Variants in IKZF3 observed in about 807,000 individuals in gnomAD.
The protein encoded by IKZF3 is IKAROS family zinc finger 3.
In IKZF3, 10 loss-of-function variants were observed where a neutral mutation model predicts 49.0. The observed-to-expected ratio is 0.20, with a 90% CI of 0.13 to 0.35. The LOEUF (loss-of-function observed/expected upper bound fraction) is 0.35. IKZF3 is among the 10% of genes least tolerant of loss of function. The pLI is 1.00. For synonymous variants in IKZF3, 209 were observed against 228.2 expected, an observed-to-expected ratio of 0.92 and a Z score of 0.76; for missense variants, 498 against 664.8, an observed-to-expected ratio of 0.75 and a Z score of 2.76.
chr17:39,839,309 G>A, intron 1 of IKZF3: 1 of 473,380 alleles, frequency 2.1e-6, no homozygotes, highest in Non-Finnish European at 3.9e-6. Context: ...AGCTTGATAT[G>A]GTAACATGAT....
intron 1 of IKZF3, among the ~76,000 whole-genome samples, chr17:39,858,320 T>C (rs942404133): frequency 2.0e-5 from 3 of 151,914 alleles, no homozygotes; most frequent in African/African-American, 7.3e-5. Flanking sequence ...GAAAGAAAAG[T>C]TTCCTTTGTA....
rs1276286091 is a variant in IKZF3 at position 39,759,479 on chromosome 17, C to A, written c.*6311G>T. The A allele has an allele frequency of 6.6e-6, 1 of 152,132 alleles. No homozygotes were observed. The highest frequency in any genetic ancestry group is 1.9e-4 in the East Asian group (1 of 5,200). 9.4% of individuals were successfully genotyped at this position (152,132 alleles called of 1,614,324 possible). A position where few individuals can be genotyped will look rare whatever the true frequency, so the allele number is the denominator to read the frequency against. On this transcript the variant is annotated 3_prime_UTR_variant, in exon 8 of 8. Transcript: ENST00000346872. ...TCCAATTTATTCAAACTGCAAAACC[C>A]TGTGTATCTTCATAACAATGGTGGG...
chr17:39,858,730 G>A (rs1473078612), intron 1 of IKZF3, among the ~76,000 whole-genome samples: 2 of 151,790 alleles, frequency 1.3e-5, no homozygotes, highest in African/African-American at 4.8e-5. Context: ...ATTTTCATAT[G>A]GTATTGGTAT....
chr17:39,823,671 C>T (rs1387436893), intron 3 of IKZF3, among the ~76,000 whole-genome samples: 3 of 152,192 alleles, frequency 2.0e-5, no homozygotes, highest in Admixed American at 6.5e-5. Flanking sequence ...GCTGCTCCAG[C>T]TGCATCTAAA....
chr17:39,847,498 A>G (rs547774048), intron 1 of IKZF3, among the ~76,000 whole-genome samples: 7 of 152,130 alleles, frequency 4.6e-5, no homozygotes, highest in Non-Finnish European at 8.8e-5. Context: ...AATGTAGCTG[A>G]ACTCAAATTT....
At chr17:39,830,301 C>A (rs2062074996) in intron 2 of IKZF3, among the ~76,000 whole-genome samples, 1 of 152,098 alleles carries the variant, frequency 6.6e-6, no homozygotes, top group African/African-American at 2.4e-5. Context: ...CCCCAAGTTT[C>A]TTTATTTGTT....
intron 1 of IKZF3, among the ~76,000 whole-genome samples, chr17:39,842,060 C>CAAAAAAA (rs1491414621): frequency 4.9e-5 from 1 of 20,318 alleles, no homozygotes; most frequent in Non-Finnish European, 9.2e-5. Flanking sequence ...AAAAAAAAAA[C>CAAAAAAA]CAGATAAAAT....
rs988870245 is a variant in IKZF3 at position 39,792,598 on chromosome 17, A to G, written c.424+75T>C. Reference sequence around the variant, plus strand: ...ATCAATGAAAGTAACCAAAAGTTCCAAATTCCACCACTTCATTTCTCACGT... The same window carrying G: ...ATCAATGAAAGTAACCAAAAGTTCCGAATTCCACCACTTCATTTCTCACGT... On this transcript the variant is annotated intron_variant, in intron 4 of 7. Transcript: ENST00000346872. 5 of 1,492,248 alleles carry G rather than the reference A, an allele frequency of 3.4e-6. No homozygotes were observed. In the East Asian group the frequency reaches 1.1e-4, roughly 34 times the overall value. The allele number at this position is 1,492,248 out of a possible 1,614,324, so 92.4% of individuals were successfully genotyped here.
intron 1 of IKZF3, among the ~76,000 whole-genome samples, chr17:39,843,888 CACA>C (rs2062554021): frequency 6.6e-6 from 1 of 151,224 alleles, no homozygotes; most frequent in Non-Finnish European, 1.5e-5. Context: ...TAAATTAAAA[CACA>C]ACAACAAGAT....
chr17:39,800,103 A>G (rs2143980217), intron 3 of IKZF3, among the ~76,000 whole-genome samples: 1 of 152,328 alleles, frequency 6.6e-6, no homozygotes, highest in South Asian at 2.1e-4. Context: ...CAAATACTTG[A>G]ATATATTTGG....
At chr17:39,784,693 C>T (rs556580738) in intron 6 of IKZF3, among the ~76,000 whole-genome samples, 16 of 152,350 alleles carry the variant, frequency 1.1e-4, no homozygotes, top group African/African-American at 3.4e-4. Flanking sequence ...CGACCCACCG[C>T]GCCCGGCCAG....
intron 7 of IKZF3, among the ~76,000 whole-genome samples, chr17:39,776,805 G>A (rs1245325768): frequency 6.6e-6 from 1 of 152,194 alleles, no homozygotes. Context: ...ACAGCGGCAA[G>A]CAGCTTTGGA....
At chr17:39,835,387 C>A in intron 1 of IKZF3, 1 of 482,472 alleles carries the variant, frequency 2.1e-6, no homozygotes, top group Non-Finnish European at 4.1e-6. Flanking sequence ...ATGGACCGCT[C>A]CCCACACATA....
intron 7 of IKZF3, among the ~76,000 whole-genome samples, chr17:39,773,665 TG>T (rs1162423091): frequency 2.6e-5 from 4 of 152,374 alleles, no homozygotes; most frequent in Non-Finnish European, 4.4e-5. Flanking sequence ...GAATAACATC[TG>T]TTTTTTTGGG....
At chr17:39,843,333 GT>G (rs762632435) in intron 1 of IKZF3, among the ~76,000 whole-genome samples, 1 of 151,834 alleles carries the variant, frequency 6.6e-6, no homozygotes, top group African/African-American at 2.4e-5. Context: ...CAGAAAAAAA[GT>G]TTTTTTGTGC....
At chr17:39,854,333 G>A (rs2062976654) in intron 1 of IKZF3, among the ~76,000 whole-genome samples, 1 of 150,516 alleles carries the variant, frequency 6.6e-6, no homozygotes, top group South Asian at 2.1e-4. Flanking sequence ...AAACAAGCAA[G>A]GAAATAAAAT....
intron 7 of IKZF3, among the ~76,000 whole-genome samples, chr17:39,766,763 C>T (rs192945233): frequency 4.6e-5 from 7 of 152,134 alleles, no homozygotes; most frequent in African/African-American, 1.7e-4. Flanking sequence ...GCCCACTGTG[C>T]ATGTTAGAGG....
At chr17:39,790,582 A>G (rs933549218) in intron 5 of IKZF3, among the ~76,000 whole-genome samples, 8 of 152,210 alleles carry the variant, frequency 5.3e-5, no homozygotes, top group Admixed American at 5.2e-4. Flanking sequence ...AAATTTTGCC[A>G]GATAACATCA....
chr17:39,845,531 G>GA (rs71355423), intron 1 of IKZF3, among the ~76,000 whole-genome samples: 3,008 of 83,208 alleles, frequency 0.036, 97 homozygotes, highest in African/African-American at 0.11. Flanking sequence ...CTCCAAAAAA[G>GA]AAAAAAAAAA....
Sources: allele counts gnomAD v4.1 joint callset (sites outside exome capture counted in the v4.1 genomes callset), GRCh38; gene constraint gnomAD v4.1.1; transcripts MANE v1.5; gene names NCBI Gene and HGNC (gene_info 2026-07-23, HGNC 2026-07-21).